RBFOX1: variants seen among roughly 807,000 people sequenced by gnomAD.
The protein encoded by RBFOX1 is RNA binding protein fox-1 homolog 1.
Under a neutral mutation model 57.7 loss-of-function variants are expected in RBFOX1, and 8 were observed. The observed-to-expected ratio is 0.14, with a 90% confidence interval of 0.08 to 0.25. RBFOX1 has a LOEUF of 0.25. RBFOX1 is among the 10% of genes least tolerant of loss of function. The probability of loss-of-function intolerance (pLI) is 1.00; values close to 1 mark genes in which losing one functional copy is unlikely to be tolerated. For missense variants in RBFOX1, 611 were observed against 548.5 expected, an observed-to-expected ratio of 1.11 and a Z score of -1.14; for synonymous variants, 326 against 222.4, an observed-to-expected ratio of 1.47 and a Z score of -4.15.
chr16:6,655,597 T>A (rs2098644585), intron 3 of RBFOX1, among the ~76,000 whole-genome samples: 2 of 152,216 alleles, frequency 1.3e-5, no homozygotes, highest in African/African-American at 4.8e-5. Context: ...TTTGTTAATA[T>A]TTTCACAGTC....
At position 7,341,101 on chromosome 16, in the gene RBFOX1, G is replaced by C. The variant is rs141293609; in HGVS notation, c.28-177046G>C. Among the ~76,000 whole-genome samples, 648 of 152,040 alleles carry C rather than the reference G, an allele frequency of 4.3e-3. 7 individuals carry two copies. Among genetic ancestry groups the C allele is most frequent in the African/African-American group, 0.015 (619 of 41,450 alleles). ...TGCTTTTCCTGGGTGATTTATGATG[G>C]AGATACTCACCCCTATTTATGTTTT... On this transcript the variant is annotated intron_variant, in intron 4 of 15. Coordinates refer to ENST00000550418, the MANE Select transcript of RBFOX1 (RefSeq NM_018723.4).
At chr16:7,693,928 G>T (rs181551906) in intron 14 of RBFOX1, among the ~76,000 whole-genome samples, 133 of 152,268 alleles carry the variant, frequency 8.7e-4, no homozygotes, top group African/African-American at 3.0e-3. Context: ...CAAGTAGCAG[G>T]ACTTAGAGAG....
At chr16:5,351,289 G>C (rs900539698) in intron 1 of RBFOX1, among the ~76,000 whole-genome samples, 4 of 152,172 alleles carry the variant, frequency 2.6e-5, no homozygotes, top group African/African-American at 9.7e-5. Context: ...CTATGCCAGG[G>C]CTTTGACATA....
intron 3 of RBFOX1, among the ~76,000 whole-genome samples, chr16:6,783,813 C>T (rs939522181): frequency 6.6e-6 from 1 of 152,094 alleles, no homozygotes; most frequent in African/African-American, 2.4e-5. Flanking sequence ...CTTCAGCATT[C>T]CTTATAAGAC....
chr16:5,936,299 T>G (rs2059167668), intron 4 of RBFOX1, among the ~76,000 whole-genome samples: 1 of 152,160 alleles, frequency 6.6e-6, no homozygotes, highest in African/African-American at 2.4e-5. Context: ...AATTTTTGTA[T>G]TTTTAGTAGA....
chr16:7,504,723 ATATATAT>A (rs2072249273), intron 4 of RBFOX1, among the ~76,000 whole-genome samples: 3 of 6,100 alleles, frequency 4.9e-4, no homozygotes, highest in East Asian at 2.6e-3. Flanking sequence ...ATATATATAT[ATATATAT>A]ATATATATAT....
chr16:5,719,181 A>G (rs1257812308), intron 3 of RBFOX1, among the ~76,000 whole-genome samples: 1 of 149,454 alleles, frequency 6.7e-6, no homozygotes, highest in Non-Finnish European at 1.5e-5. Context: ...GAAGGCTGCC[A>G]CCCATACTTC....
At chr16:6,691,969 A>G (rs2060268675) in intron 3 of RBFOX1, among the ~76,000 whole-genome samples, 2 of 152,170 alleles carry the variant, frequency 1.3e-5, no homozygotes, top group African/African-American at 4.8e-5. Context: ...TGAAGCTGGA[A>G]AAGTTAGGGA....
At chr16:6,329,222 A>C (rs1179010874) in intron 2 of RBFOX1, among the ~76,000 whole-genome samples, 3 of 152,228 alleles carry the variant, frequency 2.0e-5, no homozygotes, top group African/African-American at 7.2e-5. Context: ...ATAACAGCTA[A>C]CATGGTGGAA....
At chr16:5,302,587 T>A (rs1465624209) in intron 1 of RBFOX1, among the ~76,000 whole-genome samples, 1 of 152,232 alleles carries the variant, frequency 6.6e-6, no homozygotes, top group Non-Finnish European at 1.5e-5. Context: ...TTGCATCATC[T>A]ATTTTGAAGC....
At chr16:6,184,392 T>C (rs1252640736) in intron 1 of RBFOX1, among the ~76,000 whole-genome samples, 1 of 152,028 alleles carries the variant, frequency 6.6e-6, no homozygotes, top group Non-Finnish European at 1.5e-5. Flanking sequence ...GACATTACAC[T>C]CATGGGGGTG....
intron 3 of RBFOX1, among the ~76,000 whole-genome samples, chr16:5,728,417 A>G (rs1045589633): frequency 6.6e-6 from 1 of 152,198 alleles, no homozygotes; most frequent in Non-Finnish European, 1.5e-5. Flanking sequence ...AAGCATTTGC[A>G]TATTTGAAGG....
Position 6,905,389 on chromosome 16 carries a change from C to A in RBFOX1, c.-15-146668C>A, listed in dbSNP as rs147574926. Among the ~76,000 whole-genome samples the A allele has an allele frequency of 7.8e-3, 1,180 of 152,098 alleles. 18 individuals carry two copies. The highest frequency in any genetic ancestry group is 0.026 in the African/African-American group (1,077 of 41,500). ...CCAACAAGGCAAAACCCCACCTCTA[C>A]TAAAAATACAAAAATTAACTGAGCA... On this transcript the variant is annotated intron_variant, in intron 3 of 15. Coordinates refer to ENST00000550418, the MANE Select transcript of RBFOX1 (RefSeq NM_018723.4).
intron 1 of RBFOX1, among the ~76,000 whole-genome samples, chr16:5,242,647 C>T (rs1388237243): frequency 6.6e-6 from 1 of 152,150 alleles, no homozygotes; most frequent in Non-Finnish European, 1.5e-5. Context: ...ATTTTGTCTG[C>T]GTAGACCATT....
At chr16:6,117,230 G>A (rs572203313) in intron 1 of RBFOX1, among the ~76,000 whole-genome samples, 14 of 152,252 alleles carry the variant, frequency 9.2e-5, no homozygotes, top group Admixed American at 9.2e-4. Context: ...AAATTACTAT[G>A]AGTGTGTAAA....
chr16:6,631,518 T>G (rs1365345892), intron 2 of RBFOX1, among the ~76,000 whole-genome samples: 1 of 151,494 alleles, frequency 6.6e-6, no homozygotes, highest in East Asian at 2.0e-4. Flanking sequence ...CCTGAACAAA[T>G]ATTAAGTGGA....
intron 4 of RBFOX1, among the ~76,000 whole-genome samples, chr16:7,469,922 T>G (rs1567339684): frequency 6.6e-6 from 1 of 152,290 alleles, no homozygotes; most frequent in African/African-American, 2.4e-5. Context: ...ATAAATGGAA[T>G]CATACATTAT....
chr16:5,244,208 T>C (rs1435193272), intron 1 of RBFOX1, among the ~76,000 whole-genome samples: 2 of 152,230 alleles, frequency 1.3e-5, no homozygotes, highest in Non-Finnish European at 2.9e-5. Flanking sequence ...GGCATAGCAT[T>C]GTAACACAGA....
chr16:6,845,436 A>G (rs1344104485), intron 3 of RBFOX1, among the ~76,000 whole-genome samples: 1 of 151,982 alleles, frequency 6.6e-6, no homozygotes, highest in Admixed American at 6.6e-5. Flanking sequence ...TTAAATAGAG[A>G]ATCCTTTCCC....
Sources: gnomAD v4.1 joint callset for allele counts (sites outside exome capture counted in the v4.1 genomes callset) on GRCh38, gnomAD v4.1.1 for gene constraint, MANE v1.5 for transcripts, NCBI Gene and HGNC (gene_info 2026-07-23, HGNC 2026-07-21) for gene names.